CHST15: variants seen among roughly 807,000 people sequenced by gnomAD.
The protein encoded by CHST15 is carbohydrate sulfotransferase 15.
CHST15 carries 30 observed loss-of-function variants against 53.6 expected under a neutral mutation model. The observed-to-expected ratio is 0.56, with a 90% CI of 0.42 to 0.76. The LOEUF (loss-of-function observed/expected upper bound fraction) is 0.76, where lower values mean the gene tolerates loss of function less well. Among genes scored for constraint, CHST15 ranks in the 30% least tolerant of loss-of-function variants. The pLI is 0.00. For missense variants in CHST15, 627 were observed against 740.5 expected (o/e 0.85, Z 1.78); for synonymous variants, 296 against 289.8 (o/e 1.02, Z -0.22).
At chr10:124,022,815 T>C (rs1303440315) in intron 5 of CHST15, among the ~76,000 whole-genome samples, 4 of 144,090 alleles carry the variant, frequency 2.8e-5, no homozygotes, top group Admixed American at 6.8e-5. Context: ...GCATTTCTTT[T>C]TTTTTTTTTT....
At chr10:124,055,888 A>G (rs1948362588) in intron 1 of CHST15, among the ~76,000 whole-genome samples, 1 of 152,206 alleles carries the variant, frequency 6.6e-6, no homozygotes, top group African/African-American at 2.4e-5. Context: ...AGTCATTCAC[A>G]GTAAGAAACA....
At chr10:124,087,939 T>TG (rs1324153552) in intron 1 of CHST15, among the ~76,000 whole-genome samples, 1 of 152,202 alleles carries the variant, frequency 6.6e-6, no homozygotes, top group Non-Finnish European at 1.5e-5. Context: ...CTCGCACAGA[T>TG]GAGGAGACAG....
chr10:124,054,189 C>T (rs868266102), intron 1 of CHST15, among the ~76,000 whole-genome samples: 14 of 152,160 alleles, frequency 9.2e-5, no homozygotes, highest in South Asian at 2.1e-4. Context: ...CTGATCCTTA[C>T]GGTTTCCTTG....
At chr10:124,089,401 G>C (rs1372747530) in intron 1 of CHST15, among the ~76,000 whole-genome samples, 1 of 152,216 alleles carries the variant, frequency 6.6e-6, no homozygotes, top group East Asian at 1.9e-4. Flanking sequence ...CCTAGGAACG[G>C]GGACAGGGCC....
intron 1 of CHST15, among the ~76,000 whole-genome samples, chr10:124,050,747 G>A (rs1182729346): frequency 6.6e-6 from 1 of 152,112 alleles, no homozygotes; most frequent in African/African-American, 2.4e-5. Flanking sequence ...TGGAGACCAG[G>A]GGAAGCAAAG....
chr10:124,044,926 G>C lies in CHST15; in HGVS notation c.547-7C>G. On this transcript the variant is annotated splice_polypyrimidine_tract_variant and splice_region_variant and intron_variant, in intron 2 of 7. Coordinates refer to ENST00000435907, the MANE Select transcript of CHST15 (RefSeq NM_001270764.2). ...TGGGGATGACTGAAAACATCTGCAA[G>C]GAAACAGAGGAGGAGAGACACAGAG... 1.4e-6 allele frequency: 2 copies of C among 1,434,302 alleles called. No homozygotes were observed. Among genetic ancestry groups the C allele is most frequent in the Non-Finnish European group, 1.8e-6 (2 of 1,089,156 alleles). 88.8% of individuals were successfully genotyped at this position (1,434,302 alleles called of 1,614,324 possible).
At position 124,036,135 on chromosome 10, in the gene CHST15, C is replaced by G. The variant is rs899017858; in HGVS notation, c.1190+2380G>C. On this transcript the variant is annotated intron_variant, in intron 5 of 7. Transcript: ENST00000435907. The surrounding 1 kb of genome is among the most constrained non-coding windows in gnomAD (Gnocchi z 5.1). Reference sequence around the variant, plus strand: ...AGCACTTGCGCCCTTCAGCTGGGGGCCGTGTCGGGGAGGGAGGCAGAGCAG... The same window carrying G: ...AGCACTTGCGCCCTTCAGCTGGGGGGCGTGTCGGGGAGGGAGGCAGAGCAG... Among the ~76,000 whole-genome samples the G allele has an allele frequency of 6.6e-6, 1 of 152,214 alleles. No homozygotes were observed. Among genetic ancestry groups the G allele is most frequent in the Non-Finnish European group, 1.5e-5 (1 of 68,038 alleles).
At chr10:124,026,288 G>A (rs1322538895) in intron 5 of CHST15, among the ~76,000 whole-genome samples, 1 of 152,198 alleles carries the variant, frequency 6.6e-6, no homozygotes, top group Non-Finnish European at 1.5e-5. Flanking sequence ...CAAGAATTAA[G>A]CGAATGCTTC....
chr10:124,052,481 C>G (rs2072898750), intron 1 of CHST15, among the ~76,000 whole-genome samples: 1 of 152,154 alleles, frequency 6.6e-6, no homozygotes, highest in South Asian at 2.1e-4. Context: ...CCATGTCCAC[C>G]CAGCGGCCTT....
chr10:124,035,666 A>G (rs1187062176), intron 5 of CHST15, among the ~76,000 whole-genome samples: 1 of 152,232 alleles, frequency 6.6e-6, no homozygotes, highest in South Asian at 2.1e-4. Context: ...TCCACCCTAA[A>G]CAGGAGAACA....
In CHST15 at chr10:124,046,121, T is replaced by G; in HGVS notation, c.92A>C (p.His31Pro). The G allele has an allele frequency of 6.2e-7, 1 of 1,614,250 alleles. No individual in the cohort carries two copies. The highest frequency in any genetic ancestry group is 8.5e-7 in the Non-Finnish European group (1 of 1,180,050). ...VNCQGGPHHGHQACPTCKGEN... is the reference protein window; with the variant it reads ...VNCQGGPHHGPQACPTCKGEN... ...TCCTTTGCACGTGGGGCACGCCTGGTGACCGTGATGGGGGCCCCCTTGGCA... is the reference window on the plus strand; with the variant it reads ...TCCTTTGCACGTGGGGCACGCCTGGGGACCGTGATGGGGGCCCCCTTGGCA... Residue 31 changes from histidine (H) to proline (P), a missense_variant, in exon 2 of 8, where the codon CAC (histidine) becomes CCC (proline). His to Pro is a moderately conservative substitution (Grantham distance 77). Around this residue, in one of 3 missense-constraint regions of CHST15, gnomAD observed 187 missense variants for 251.8 expected, o/e 0.74. Transcript: ENST00000435907.
chr10:124,041,435 G>A (rs1409833766), intron 4 of CHST15, among the ~76,000 whole-genome samples: 3 of 152,252 alleles, frequency 2.0e-5, no homozygotes, highest in Middle Eastern at 3.4e-3. Context: ...CAAGTCTAGA[G>A]ATCTAAGGTA....
At chr10:124,028,940 C>T (rs1397648152) in intron 5 of CHST15, among the ~76,000 whole-genome samples, 4 of 151,942 alleles carry the variant, frequency 2.6e-5, no homozygotes, top group Non-Finnish European at 4.4e-5. Context: ...TGACAGTTAC[C>T]GGAACGGCCC....
Position 124,044,662 on chromosome 10 carries a change from G to A in CHST15, c.804C>T (p.Asp268=). 1 of 1,613,016 alleles carries A rather than the reference G, an allele frequency of 6.2e-7. No homozygotes were observed. Residue 268 remains aspartate, a synonymous_variant, in exon 3 of 8, where the codon GAC becomes GAT. Coordinates refer to ENST00000435907, the MANE Select transcript of CHST15 (RefSeq NM_001270764.2). ...GGTGCAGCCGCAGGCGGTCATAGAGGTCTGTGGTCCCGCACTTGGGCTGCC... is the reference window on the plus strand; with the variant it reads ...GGTGCAGCCGCAGGCGGTCATAGAGATCTGTGGTCCCGCACTTGGGCTGCC... ...IIGQPKCGTT[D]LYDRLRLHPE... is the part of the protein sequence containing the mutation.
chr10:124,037,456 A>G (rs1335255033), intron 5 of CHST15, among the ~76,000 whole-genome samples: 1 of 152,210 alleles, frequency 6.6e-6, no homozygotes, highest in African/African-American at 2.4e-5. Context: ...GTCTCAAAAT[A>G]GGAACACAGC....
At chr10:124,052,404 G>A (rs1032523916) in intron 1 of CHST15, among the ~76,000 whole-genome samples, 9 of 152,140 alleles carry the variant, frequency 5.9e-5, no homozygotes, top group African/African-American at 1.7e-4. Context: ...ACACCACTCC[G>A]TCAACATTCA....
chr10:124,022,817 T>C (rs917356577), intron 5 of CHST15, among the ~76,000 whole-genome samples: 3 of 144,916 alleles, frequency 2.1e-5, no homozygotes, highest in African/African-American at 5.1e-5. Context: ...ATTTCTTTTT[T>C]TTTTTTTTTT....
intron 1 of CHST15, among the ~76,000 whole-genome samples, chr10:124,090,978 G>A (rs947828317): frequency 3.9e-5 from 6 of 152,186 alleles, no homozygotes; most frequent in African/African-American, 1.2e-4. Flanking sequence ...GCTCTCCTCC[G>A]GAGCTGGACT....
chr10:124,075,507 C>G (rs1949047333), intron 1 of CHST15, among the ~76,000 whole-genome samples: 1 of 152,160 alleles, frequency 6.6e-6, no homozygotes, highest in Admixed American at 6.5e-5. Context: ...AAACCGAGGA[C>G]AAAGGGAGGA....
Sources: allele counts gnomAD v4.1 joint callset (sites outside exome capture counted in the v4.1 genomes callset), GRCh38; gene constraint gnomAD v4.1.1; regional missense constraint gnomAD v4.1.1; non-coding constraint Gnocchi (gnomAD v3.1); transcripts MANE v1.5; gene names NCBI Gene and HGNC (gene_info 2026-07-23, HGNC 2026-07-21).